SLIT2: variants seen among roughly 807,000 people sequenced by gnomAD.
SLIT2 encodes slit guidance ligand 2.
Under a neutral mutation model 185.7 loss-of-function variants are expected in SLIT2, and 41 were observed. The ratio of observed to expected loss-of-function variants is 0.22; its 90% CI spans 0.17 to 0.29. The LOEUF is 0.29. Ranked by LOEUF, SLIT2 falls within the 10% of genes least tolerant of loss-of-function variation. The probability of loss-of-function intolerance (pLI) is 1.00; values close to 1 mark genes in which losing one functional copy is unlikely to be tolerated. For synonymous variants in SLIT2, 693 were observed against 680.2 expected, an observed-to-expected ratio of 1.02 and a Z score of -0.29; for missense variants, 1,571 against 1,909.0, an observed-to-expected ratio of 0.82 and a Z score of 3.30.
chr4:20,590,606 T>C (rs1308546235), intron 30 of SLIT2, among the ~76,000 whole-genome samples: 2 of 152,206 alleles, frequency 1.3e-5, no homozygotes, highest in African/African-American at 4.8e-5. Flanking sequence ...ATAATCCCGC[T>C]AAGTGTACTC....
chr4:20,476,614 A>G (rs75531161), intron 5 of SLIT2, among the ~76,000 whole-genome samples: 2 of 152,226 alleles, frequency 1.3e-5, no homozygotes, highest in East Asian at 3.9e-4. Flanking sequence ...AATTCTTACC[A>G]AAAAAACCTA....
At chr4:20,399,292 A>G (rs780250386) in intron 4 of SLIT2, among the ~76,000 whole-genome samples, 9 of 151,696 alleles carry the variant, frequency 5.9e-5, no homozygotes, top group Admixed American at 3.3e-4. Context: ...TTACAGAAGA[A>G]TTTTAATTGA....
chr4:20,455,081 C>T (rs1435823536), intron 4 of SLIT2, among the ~76,000 whole-genome samples: 1 of 152,118 alleles, frequency 6.6e-6, no homozygotes, highest in East Asian at 1.9e-4. Context: ...GTACATTCAG[C>T]TCTGTTATTA....
At chr4:20,363,467 C>T (rs867489287) in intron 4 of SLIT2, among the ~76,000 whole-genome samples, 15 of 152,186 alleles carry the variant, frequency 9.9e-5, no homozygotes, top group South Asian at 2.1e-4. Context: ...CACTTCTCTC[C>T]CATGGTAATG....
chr4:20,397,625 A>G (rs1726007830), intron 4 of SLIT2, among the ~76,000 whole-genome samples: 1 of 151,878 alleles, frequency 6.6e-6, no homozygotes, highest in Admixed American at 6.6e-5. Flanking sequence ...TTTCAGGTGT[A>G]TATACCTGTT....
intron 4 of SLIT2, among the ~76,000 whole-genome samples, chr4:20,316,131 T>G (rs1577418011): frequency 6.6e-6 from 1 of 152,080 alleles, no homozygotes; most frequent in Non-Finnish European, 1.5e-5. Context: ...TTCTAAGGTT[T>G]ATTGCTTGCT....
At chr4:20,371,372 CT>C (rs1317862597) in intron 4 of SLIT2, among the ~76,000 whole-genome samples, 7 of 152,078 alleles carry the variant, frequency 4.6e-5, no homozygotes, top group African/African-American at 1.7e-4. Context: ...TTCACACACA[CT>C]TTTGAGTGTT....
chr4:20,278,309 A>G (rs555463458), intron 4 of SLIT2, among the ~76,000 whole-genome samples: 29 of 152,228 alleles, frequency 1.9e-4, no homozygotes, highest in African/African-American at 6.5e-4. Flanking sequence ...AAAGAAGTGC[A>G]TGGAAAATGG....
intron 4 of SLIT2, among the ~76,000 whole-genome samples, chr4:20,307,491 C>A (rs2109124458): frequency 6.6e-6 from 1 of 152,014 alleles, no homozygotes; most frequent in East Asian, 1.9e-4. Flanking sequence ...GTCTCAAACT[C>A]CTGACTTCAA....
At chr4:20,551,516 A>G (rs547506898) in intron 25 of SLIT2, among the ~76,000 whole-genome samples, 20 of 152,292 alleles carry the variant, frequency 1.3e-4, no homozygotes, top group African/African-American at 4.8e-4. Context: ...GTGGTCCAAA[A>G]AACTCATTTG....
Position 20,604,523 on chromosome 4 carries a change from A to G in SLIT2, c.3693-5490A>G, listed in dbSNP as rs1316364725. Among the ~76,000 whole-genome samples the G allele has an allele frequency of 5.3e-5, 8 of 151,136 alleles. No individual in the cohort carries two copies. The South Asian group carries it at 1.5e-3, about 28-fold the overall frequency. On this transcript the variant is annotated intron_variant, in intron 33 of 36. Coordinates refer to ENST00000504154, the MANE Select transcript of SLIT2 (RefSeq NM_004787.4). ...CACCCCTACGCCTAGCTTTTTTTGTATTTTTAATAGAGATGGGGTTTCACC... is the reference window on the plus strand; with the variant it reads ...CACCCCTACGCCTAGCTTTTTTTGTGTTTTTAATAGAGATGGGGTTTCACC...
intron 4 of SLIT2, among the ~76,000 whole-genome samples, chr4:20,458,861 A>AC (rs1234030588): frequency 6.6e-6 from 1 of 152,224 alleles, no homozygotes; most frequent in Non-Finnish European, 1.5e-5. Flanking sequence ...GGTTATAGAA[A>AC]CAATACAATG....
intron 4 of SLIT2, among the ~76,000 whole-genome samples, chr4:20,413,209 T>C (rs1727389356): frequency 6.6e-6 from 1 of 152,106 alleles, no homozygotes; most frequent in Non-Finnish European, 1.5e-5. Context: ...CATAATTTTC[T>C]TTTGTTCTCT....
chr4:20,329,598 G>C (rs962686002), intron 4 of SLIT2, among the ~76,000 whole-genome samples: 1 of 152,012 alleles, frequency 6.6e-6, no homozygotes, highest in African/African-American at 2.4e-5. Flanking sequence ...CATAGGACTA[G>C]AGTCTATTTA....
intron 4 of SLIT2, among the ~76,000 whole-genome samples, chr4:20,276,112 G>A (rs1311724986): frequency 6.6e-6 from 1 of 152,064 alleles, no homozygotes; most frequent in East Asian, 1.9e-4. Flanking sequence ...GATTTTAAGT[G>A]TATTTTTAGA....
intron 9 of SLIT2, among the ~76,000 whole-genome samples, chr4:20,499,785 G>A (rs944330736): frequency 6.6e-6 from 1 of 151,968 alleles, no homozygotes; most frequent in Admixed American, 6.6e-5. Flanking sequence ...GCCATGCCCA[G>A]AGTCATCTGA....
chr4:20,351,437 T>C (rs2109263973), intron 4 of SLIT2, among the ~76,000 whole-genome samples: 1 of 152,324 alleles, frequency 6.6e-6, no homozygotes, highest in South Asian at 2.1e-4. Context: ...AGAAAGTAAC[T>C]CTTTTTCTAT....
intron 9 of SLIT2, among the ~76,000 whole-genome samples, chr4:20,508,962 A>G (rs896394618): frequency 2.6e-5 from 4 of 152,032 alleles, no homozygotes; most frequent in South Asian, 2.1e-4. Context: ...TGGCAATTTC[A>G]TTTAATGTCC....
chr4:20,595,619 A>C (rs1727912663), intron 30 of SLIT2, 78 bp from the exon 31 acceptor site: 6 of 1,559,590 alleles, frequency 3.8e-6, no homozygotes, highest in Middle Eastern at 1.7e-4. Context: ...AGATGGTGCC[A>C]TTGTGTCTAG....
Sources: gnomAD v4.1 joint callset for allele counts (sites outside exome capture counted in the v4.1 genomes callset) on GRCh38, gnomAD v4.1.1 for gene constraint, MANE v1.5 for transcripts, NCBI Gene and HGNC (gene_info 2026-07-23, HGNC 2026-07-21) for gene names.